The following USH2A variants were observed in gnomAD, a reference collection of about 807,000 sequenced individuals.
USH2A encodes Usher syndrome 2A (autosomal recessive, mild).
A neutral mutation model predicts 538.9 loss-of-function variants in USH2A; 443 were observed. That is an observed-to-expected ratio of 0.82 (90% CI 0.76 to 0.89). USH2A has a LOEUF of 0.89. USH2A is among the 40% of genes least tolerant of loss of function. USH2A has a pLI of 0.00. For missense variants in USH2A, 6,633 were observed against 6,324.8 expected, an observed-to-expected ratio of 1.05 and a Z score of -1.65; for synonymous variants, 2,413 against 2,273.5, an observed-to-expected ratio of 1.06 and a Z score of -1.75.
At chr1:215,925,957 A>G (rs1571818870) in intron 38 of USH2A, among the ~76,000 whole-genome samples, 3 of 152,236 alleles carry the variant, frequency 2.0e-5, no homozygotes, top group Admixed American at 6.5e-5. Context: ...TAAAAGGCAT[A>G]GAGTGAGCTG....
intron 3 of USH2A, among the ~76,000 whole-genome samples, chr1:216,390,572 A>G (rs974012362): frequency 1.3e-5 from 2 of 152,224 alleles, no homozygotes; most frequent in African/African-American, 4.8e-5. Flanking sequence ...ATTTTAGAAT[A>G]TGTTATTTAA....
chr1:215,824,023 T>C (rs749984341), intron 47 of USH2A, among the ~76,000 whole-genome samples: 1 of 152,088 alleles, frequency 6.6e-6, no homozygotes, highest in African/African-American at 2.4e-5. Context: ...CTTGTTAGGG[T>C]CACTCACTGT....
chr1:215,826,161 C>A (rs1408460613), intron 47 of USH2A, among the ~76,000 whole-genome samples: 1 of 152,182 alleles, frequency 6.6e-6, no homozygotes, highest in Non-Finnish European at 1.5e-5. Context: ...CAAGTGGATG[C>A]CTTGCAAGAT....
chr1:216,049,631 G>A (rs2030671643), intron 30 of USH2A, among the ~76,000 whole-genome samples: 1 of 152,016 alleles, frequency 6.6e-6, no homozygotes, highest in Non-Finnish European at 1.5e-5. Context: ...ATACATTATT[G>A]CTTTAAGGTG....
intron 32 of USH2A, among the ~76,000 whole-genome samples, chr1:216,024,583 C>G (rs1668919284): frequency 6.6e-6 from 1 of 151,928 alleles, no homozygotes; most frequent in Admixed American, 6.6e-5. Context: ...TCAACTAAAT[C>G]TAAAACATAT....
rs373129002 is a variant in USH2A, at chr1:216,125,049, T to A, written c.4628-27836A>T. Reference sequence around the variant, plus strand: ...CTAGAGTATGATGAATGTGCTTTAATCTATCAGTGATTCAATATGCTTATA... The same window carrying A: ...CTAGAGTATGATGAATGTGCTTTAAACTATCAGTGATTCAATATGCTTATA... On this transcript the variant is annotated intron_variant, in intron 21 of 71. Transcript: ENST00000307340. Among the ~76,000 whole-genome samples the A allele has an allele frequency of 2.4e-4, 36 of 152,300 alleles. 1 individual carries two copies. The South Asian group carries it at 7.5e-3, about 32-fold the overall frequency.
intron 21 of USH2A, among the ~76,000 whole-genome samples, chr1:216,160,684 G>C (rs987971005): frequency 1.3e-5 from 2 of 152,058 alleles, no homozygotes; most frequent in Admixed American, 1.3e-4. Context: ...CCTCAAAAAT[G>C]CATATTATAT....
At chr1:215,877,718 T>A (rs1423256846) in intron 43 of USH2A, 40 bp downstream of exon 43, 4 of 1,612,310 alleles carry the variant, frequency 2.5e-6, no homozygotes, top group East Asian at 2.2e-5. Context: ...TGCCCAGAAC[T>A]AAATGCCAGC....
chr1:216,094,955 GGTGTGT>G (rs34985923), intron 22 of USH2A, among the ~76,000 whole-genome samples: 11 of 147,852 alleles, frequency 7.4e-5, no homozygotes, highest in African/African-American at 1.5e-4. Context: ...TGCGTGTGTA[GGTGTGT>G]GTGTGTGTGT....
chr1:216,374,630 A>G (rs1328689958), intron 3 of USH2A, among the ~76,000 whole-genome samples: 1 of 152,158 alleles, frequency 6.6e-6, no homozygotes, highest in African/African-American at 2.4e-5. Flanking sequence ...TAAAAATTCA[A>G]TATATGCTTA....
chr1:215,792,525 A>G (rs554667921), intron 50 of USH2A, among the ~76,000 whole-genome samples: 28 of 152,326 alleles, frequency 1.8e-4, no homozygotes, highest in Admixed American at 4.6e-4. Context: ...ATTTCACTTA[A>G]TGGCCAGAAC....
At chr1:216,012,881 CA>C (rs1392425460) in intron 32 of USH2A, among the ~76,000 whole-genome samples, 2 of 152,102 alleles carry the variant, frequency 1.3e-5, no homozygotes, top group Non-Finnish European at 2.9e-5. Flanking sequence ...GACTGTGCCC[CA>C]AAAAAACTTG....
At position 215,647,708 on chromosome 1, in the gene USH2A, C is replaced by A; in HGVS notation, c.14605G>T (p.Ala4869Ser). The A allele has an allele frequency of 6.2e-7, 1 of 1,614,152 alleles. No individual in the cohort carries two copies. The highest frequency in any genetic ancestry group is 8.5e-7 in the Non-Finnish European group (1 of 1,180,032). The change falls in exon 67 of 72, where the codon GCT (alanine) becomes TCT (serine). Residue 4869 changes from alanine (A) to serine (S), a missense_variant. Physicochemically the swap from Ala to Ser is moderately conservative, Grantham distance 99. Transcript: ENST00000307340. ...IHSYELQFHV[A>S]CPPDSALPCT... ...GGGAGGGCTGAGTCAGGAGGGCAAG[C>A]CACGTGGAATTGGAGTTCATAGCTA...
At chr1:216,066,510 G>C (rs2031376157) in intron 30 of USH2A, among the ~76,000 whole-genome samples, 1 of 151,980 alleles carries the variant, frequency 6.6e-6, no homozygotes, top group South Asian at 2.1e-4. Context: ...TCCATTTCTT[G>C]AGAAATTACC....
intron 32 of USH2A, 94 bp downstream of exon 32, chr1:216,046,337 G>T: frequency 2.1e-6 from 3 of 1,403,640 alleles, no homozygotes; most frequent in South Asian, 1.2e-5. Flanking sequence ...TAAATTTGCA[G>T]ATATGGAACC....
At chr1:215,738,589 A>G (rs1471339712) in intron 60 of USH2A, among the ~76,000 whole-genome samples, 1 of 152,104 alleles carries the variant, frequency 6.6e-6, no homozygotes, top group East Asian at 1.9e-4. Context: ...ATTAGGTCAG[A>G]TATTTTTTAA....
chr1:215,718,273 A>T (rs1445933431), intron 61 of USH2A, among the ~76,000 whole-genome samples: 1 of 152,236 alleles, frequency 6.6e-6, no homozygotes, highest in Non-Finnish European at 1.5e-5. Context: ...ATGAGAGGTC[A>T]CTAGCTTGTG....
chr1:216,129,062 A>G (rs2033316082), intron 21 of USH2A, among the ~76,000 whole-genome samples: 1 of 152,014 alleles, frequency 6.6e-6, no homozygotes, highest in African/African-American at 2.4e-5. Context: ...AGTTCTATCC[A>G]AGCTGCTGCA....
chr1:215,967,778 G>T (rs912022121), intron 36 of USH2A, among the ~76,000 whole-genome samples: 13 of 151,556 alleles, frequency 8.6e-5, no homozygotes, highest in African/African-American at 3.2e-4. Context: ...GGGTGAATGT[G>T]TTTGTACATG....
Sources: gnomAD v4.1 joint callset for allele counts (sites outside exome capture counted in the v4.1 genomes callset) on GRCh38, gnomAD v4.1.1 for gene constraint, MANE v1.5 for transcripts, NCBI Gene and HGNC (gene_info 2026-07-23, HGNC 2026-07-21) for gene names.